SLC9D1: variants seen among roughly 807,000 people sequenced by gnomAD.
SLC9D1 encodes the protein solute carrier family 9 member D1.
At chr13:113,499,317 T>C in the SLC9D1 span, among the ~76,000 whole-genome samples, 2 of 152,200 alleles carry the variant, frequency 1.3e-5, no homozygotes, top group Non-Finnish European at 2.9e-5. Flanking sequence ...GGCCTGTATC[T>C]TGTGATATCA....
At chr13:113,520,796 A>G in the SLC9D1 span, 3 of 1,163,392 alleles carry the variant, frequency 2.6e-6, no homozygotes, top group African/African-American at 4.6e-5. Flanking sequence ...TAAAAATACT[A>G]CTTAATACCT....
At chr13:113,498,620 T>C in the SLC9D1 span, 1 of 982,962 alleles carries the variant, frequency 1.0e-6, no homozygotes, top group South Asian at 1.8e-5. Context: ...TTAATGTAGA[T>C]TGAAAATGAA....
At chr13:113,511,907 C>T in the SLC9D1 span, 1 of 152,208 alleles carries the variant, frequency 6.6e-6, no homozygotes, top group Non-Finnish European at 1.5e-5. Flanking sequence ...TATATACACT[C>T]GGAGGTGTGC....
the SLC9D1 span, among the ~76,000 whole-genome samples, chr13:113,506,922 G>A: frequency 2.6e-5 from 4 of 152,150 alleles, no homozygotes; most frequent in African/African-American, 9.7e-5. Flanking sequence ...TGAAGTGCCT[G>A]CTTGGTGGTG....
chr13:113,506,222 G>A, the SLC9D1 span, among the ~76,000 whole-genome samples: 2 of 104,782 alleles, frequency 1.9e-5, no homozygotes, highest in African/African-American at 8.7e-5. Context: ...CGTGGGCCAC[G>A]TGGCTGCCTG....
the SLC9D1 span, among the ~76,000 whole-genome samples, chr13:113,544,563 C>G: frequency 6.6e-6 from 1 of 152,246 alleles, no homozygotes; most frequent in Non-Finnish European, 1.5e-5. Flanking sequence ...TGTTGGGCTA[C>G]TTATTAGCTC....
At chr13:113,528,703 G>GTGATAAGAGGGTCCTTA in the SLC9D1 span, 89 of 151,668 alleles carry the variant, frequency 5.9e-4, no homozygotes, top group South Asian at 5.4e-3. Context: ...GAGGGTCCTT[G>GTGATAAGAGGGTCCTTA]TGATAAGAGG....
the SLC9D1 span, among the ~76,000 whole-genome samples, chr13:113,495,232 C>T: frequency 1.3e-5 from 2 of 151,942 alleles, no homozygotes; most frequent in African/African-American, 2.4e-5. Context: ...GGCTGCGTCG[C>T]CCCCCAAAAA....
At chr13:113,547,028 T>C in the SLC9D1 span, 1 of 439,768 alleles carries the variant, frequency 2.3e-6, no homozygotes, top group Non-Finnish European at 4.1e-6. Context: ...CTCTGTGTGT[T>C]TTGCTGTGTC....
At chr13:113,498,797 C>G in the SLC9D1 span, among the ~76,000 whole-genome samples, 1 of 152,192 alleles carries the variant, frequency 6.6e-6, no homozygotes, top group African/African-American at 2.4e-5. Context: ...CACTGGGACT[C>G]TAGTCTCAGG....
chr13:113,500,017 G>A, the SLC9D1 span: 6 of 1,590,838 alleles, frequency 3.8e-6, no homozygotes, highest in Non-Finnish European at 4.3e-6. Flanking sequence ...CCAATTCTAA[G>A]CAAAATATAA....
At chr13:113,516,666 C>T in the SLC9D1 span, among the ~76,000 whole-genome samples, 6 of 152,128 alleles carry the variant, frequency 3.9e-5, no homozygotes, top group Admixed American at 6.5e-5. Context: ...GCCACAGCAG[C>T]GGCCTCAGTC....
At chr13:113,519,627 G>A in the SLC9D1 span, among the ~76,000 whole-genome samples, 1 of 152,154 alleles carries the variant, frequency 6.6e-6, no homozygotes, top group Admixed American at 6.6e-5. Flanking sequence ...TGGTCACACA[G>A]TGAAGGCTCA....
At chr13:113,493,211 T>C in the SLC9D1 span, among the ~76,000 whole-genome samples, 1 of 152,216 alleles carries the variant, frequency 6.6e-6, no homozygotes, top group South Asian at 2.1e-4. Flanking sequence ...ACAACTAATT[T>C]TAGGAACCTG....
chr13:113,496,967 T>C, the SLC9D1 span, among the ~76,000 whole-genome samples: 4 of 152,214 alleles, frequency 2.6e-5, no homozygotes, highest in Non-Finnish European at 4.4e-5. Context: ...TATGCACACT[T>C]CATAACATAT....
chr13:113,511,135 G>A, the SLC9D1 span, among the ~76,000 whole-genome samples: 1 of 152,142 alleles, frequency 6.6e-6, no homozygotes, highest in South Asian at 2.1e-4. Context: ...AGGCAGGACC[G>A]TGTCCCTGTG....
chr13:113,544,163 G>C, the SLC9D1 span, among the ~76,000 whole-genome samples: 3 of 152,164 alleles, frequency 2.0e-5, no homozygotes, highest in African/African-American at 7.2e-5. Flanking sequence ...CTGCAGGTCA[G>C]CCACAGCCAC....
At chr13:113,506,154 GCGTGGCTGCCTGGCC>G in the SLC9D1 span, 13 of 176,362 alleles carry the variant, frequency 7.4e-5, no homozygotes, top group Non-Finnish European at 1.1e-5. Context: ...AGCGTGGGCC[GCGTGGCTGCCTGGCC>G]TGTGGAGGAA....
At chr13:113,527,301 C>T in the SLC9D1 span, 1 of 152,222 alleles carries the variant, frequency 6.6e-6, no homozygotes, top group Non-Finnish European at 1.5e-5. Flanking sequence ...TCCCATCTAT[C>T]TTCTGTAATC....
Sources: allele counts gnomAD v4.1 joint callset (sites outside exome capture counted in the v4.1 genomes callset), GRCh38; gene constraint gnomAD v4.1.1; transcripts MANE v1.5; gene names NCBI Gene and HGNC (gene_info 2026-07-23, HGNC 2026-07-21).